LRRC36: variants seen among roughly 807,000 people sequenced by gnomAD.
LRRC36 encodes the protein leucine-rich repeat-containing protein 36.
LRRC36 carries 62 observed loss-of-function variants against 81.1 expected under a neutral mutation model. That is an observed-to-expected ratio of 0.76 (90% CI 0.62 to 0.94). The LOEUF is 0.94. Among genes scored for constraint, LRRC36 ranks in the 40% least tolerant of loss-of-function variants. The pLI is 0.00. For synonymous variants in LRRC36, 334 were observed against 348.6 expected (o/e 0.96, Z 0.47); for missense variants, 761 against 881.7 (o/e 0.86, Z 1.73).
At chr16:67,347,244 A>G in intron 3 of LRRC36, 1 of 456,116 alleles carries the variant, frequency 2.2e-6, no homozygotes, top group Non-Finnish European at 3.8e-6. Context: ...TGAATTGTTT[A>G]CTGTCCAAGC....
At chr16:67,346,869 AT>A (rs2038373711) in intron 3 of LRRC36, among the ~76,000 whole-genome samples, 1 of 151,810 alleles carries the variant, frequency 6.6e-6, no homozygotes, top group Non-Finnish European at 1.5e-5. Flanking sequence ...ATTTTACTTT[AT>A]TTTTTATTTA....
rs540544708 is a variant in LRRC36 at position 67,341,875 on chromosome 16, G to A, written c.71-82G>A. ...AGGGCCTTGCACAGTTGAGATATGG[G>A]AGGAAGAAAGGCCTACTTTCACTGA... is the stretch of plus-strand genomic sequence containing the variant. On this transcript the variant is annotated intron_variant, in intron 1 of 13. Transcript: ENST00000329956. 1.6e-5 allele frequency: 18 copies of A among 1,143,280 alleles called. No individual in the cohort carries two copies. The African/African-American group carries it at 2.5e-4, about 16-fold the overall frequency. 70.8% of individuals were successfully genotyped at this position (1,143,280 alleles called of 1,614,324 possible).
chr16:67,331,843 C>A (rs893949854), intron 1 of LRRC36, among the ~76,000 whole-genome samples: 1 of 151,996 alleles, frequency 6.6e-6, no homozygotes, highest in Admixed American at 6.6e-5. Context: ...TAAAAATTAG[C>A]TGGGCGGGGT....
At chr16:67,362,844 C>T (rs974211164) in intron 5 of LRRC36, among the ~76,000 whole-genome samples, 2 of 151,986 alleles carry the variant, frequency 1.3e-5, no homozygotes, top group East Asian at 3.9e-4. Context: ...GTGGCACAGT[C>T]GTGGCTCACT....
intron 3 of LRRC36, chr16:67,347,218 C>A: frequency 2.8e-6 from 1 of 355,628 alleles, no homozygotes; most frequent in Non-Finnish European, 5.1e-6. Context: ...GACTTTCAGC[C>A]CTAACATTAG....
intron 4 of LRRC36, chr16:67,348,467 T>C (rs1191675311): frequency 6.6e-6 from 1 of 152,098 alleles, no homozygotes; most frequent in Non-Finnish European, 1.5e-5. Flanking sequence ...ATCCTTTTTT[T>C]TTTTCTTTTT....
chr16:67,327,882 G>A (rs977987037), intron 1 of LRRC36, among the ~76,000 whole-genome samples: 1 of 152,150 alleles, frequency 6.6e-6, no homozygotes, highest in Non-Finnish European at 1.5e-5. Flanking sequence ...GTTAGATTTA[G>A]CAACATGGAA....
chr16:67,331,069 A>AGAGAGAGAGAGAG (rs2037461259), intron 1 of LRRC36, among the ~76,000 whole-genome samples: 3 of 118,536 alleles, frequency 2.5e-5, no homozygotes, highest in African/African-American at 1.1e-4. Flanking sequence ...GTGAGAGAGA[A>AGAGAGAGAGAGAG]AGAGAGAGAG....
intron 4 of LRRC36, among the ~76,000 whole-genome samples, chr16:67,349,618 A>G (rs575561397): frequency 6.6e-6 from 1 of 152,304 alleles, no homozygotes; most frequent in East Asian, 1.9e-4. Flanking sequence ...AGATCTAAGT[A>G]TGTGTCAAGA....
At chr16:67,378,498 C>A in intron 11 of LRRC36, 91 bp from the exon 12 acceptor site, 1 of 1,264,336 alleles carries the variant, frequency 7.9e-7, no homozygotes, top group East Asian at 2.6e-5. Flanking sequence ...CCTCAGCCTC[C>A]CAAAGTGCTA....
intron 5 of LRRC36, among the ~76,000 whole-genome samples, chr16:67,354,560 G>A (rs2038812043): frequency 6.6e-6 from 1 of 152,132 alleles, no homozygotes; most frequent in African/African-American, 2.4e-5. Context: ...TTACAGATGT[G>A]AAACACTGCA....
chr16:67,356,292 A>G (rs575685426), intron 5 of LRRC36, among the ~76,000 whole-genome samples: 1 of 152,300 alleles, frequency 6.6e-6, no homozygotes, highest in African/African-American at 2.4e-5. Flanking sequence ...TCCCACTTCA[A>G]CATGTTGATC....
intron 1 of LRRC36, among the ~76,000 whole-genome samples, chr16:67,341,322 A>AGAC: frequency 1.4e-5 from 2 of 144,368 alleles, no homozygotes; most frequent in African/African-American, 5.2e-5. Flanking sequence ...TATAGACTAT[A>AGAC]TATAGTCTAT....
chr16:67,384,054 T>C (rs2040205233), intron 13 of LRRC36, among the ~76,000 whole-genome samples: 1 of 152,242 alleles, frequency 6.6e-6, no homozygotes, highest in Non-Finnish European at 1.5e-5. Flanking sequence ...TAGTTTAACA[T>C]ATTTTGCCAT....
intron 11 of LRRC36, 21 bp downstream of exon 11, chr16:67,376,893 T>C: frequency 6.3e-7 from 1 of 1,595,278 alleles, no homozygotes; most frequent in Non-Finnish European, 8.6e-7. Context: ...CTCATCTCCC[T>C]TTAGAAAAGG....
intron 12 of LRRC36, 98 bp downstream of exon 12, chr16:67,378,810 C>T: frequency 7.3e-7 from 1 of 1,362,766 alleles, no homozygotes; most frequent in Non-Finnish European, 1.0e-6. Flanking sequence ...GCTCACGTGG[C>T]TGCCTTTGGC....
chr16:67,367,542 T>A, intron 8 of LRRC36, 85 bp downstream of exon 8: 2 of 1,179,682 alleles, frequency 1.7e-6, no homozygotes, highest in African/African-American at 1.5e-5. Flanking sequence ...TTAACCCTTC[T>A]GAAATTGTAT....
Position 67,382,174 on chromosome 16 carries a change from G to C in LRRC36, c.1972G>C (p.Ala658Pro), listed in dbSNP as rs766606839. 6.2e-7 allele frequency: 1 copy of C among 1,614,156 alleles called. No individual in the cohort carries two copies. Among genetic ancestry groups the C allele is most frequent in the Non-Finnish European group, 8.5e-7 (1 of 1,180,022 alleles). The change falls in exon 13 of 14, where the codon GCT (alanine) becomes CCT (proline). Residue 658 changes from alanine (A) to proline (P), a missense_variant. By Grantham distance (27) the Ala-to-Pro change is conservative. This residue lies in a region of LRRC36 where 359 missense variants were observed against 388.4 expected (regional missense o/e 0.92). Transcript: ENST00000329956. ...HKNQQLTMQV[A>P]CLNQELAQLK... Reference sequence around the variant, plus strand: ...AAACCAACAGCTGACCATGCAGGTGGCTTGCCTGAACCAGGAGCTTGCCCA... The same window carrying C: ...AAACCAACAGCTGACCATGCAGGTGCCTTGCCTGAACCAGGAGCTTGCCCA...
At chr16:67,363,512 A>G (rs2039252473) in intron 5 of LRRC36, 78 bp from the exon 6 acceptor site, 1 of 1,456,722 alleles carries the variant, frequency 6.9e-7, no homozygotes, top group Non-Finnish European at 9.4e-7. Flanking sequence ...CTTTCCTTTT[A>G]GTATCTATCC....
Sources: gnomAD v4.1 joint callset for allele counts (sites outside exome capture counted in the v4.1 genomes callset) on GRCh38, gnomAD v4.1.1 for gene constraint, gnomAD v4.1.1 regional missense constraint, MANE v1.5 for transcripts, NCBI Gene and HGNC (gene_info 2026-07-23, HGNC 2026-07-21) for gene names.